Variants in TCP1 observed in about 807,000 individuals in gnomAD.
TCP1 encodes T-complex protein 1 subunit alpha.
Under a neutral mutation model 54.7 loss-of-function variants are expected in TCP1, and 6 were observed. The observed-to-expected ratio is 0.11, with a 90% CI of 0.06 to 0.22. TCP1 has a LOEUF of 0.22. Among genes scored for constraint, TCP1 ranks in the 10% least tolerant of loss-of-function variants. The pLI is 1.00. For synonymous variants in TCP1, 225 were observed against 229.7 expected, an observed-to-expected ratio of 0.98 and a Z score of 0.19; for missense variants, 511 against 678.2, an observed-to-expected ratio of 0.75 and a Z score of 2.74.
chr6:159,784,510 T>A (rs1780648510), intron 6 of TCP1, among the ~76,000 whole-genome samples, 156 bp downstream of exon 6: 1 of 152,094 alleles, frequency 6.6e-6, no homozygotes, highest in African/African-American at 2.4e-5. Context: ...TTCACCATAT[T>A]GGACAGGCTG....
At position 159,778,781 on chromosome 6, in the gene TCP1, G is replaced by A. The variant is rs772177795; in HGVS notation, c.*264C>T. 37 of 1,614,124 alleles carry A rather than the reference G, an allele frequency of 2.3e-5. No homozygotes were observed. The East Asian group carries it at 8.0e-4, about 35-fold the overall frequency. On this transcript the variant is annotated 3_prime_UTR_variant, in exon 12 of 12. Coordinates refer to ENST00000321394, the MANE Select transcript of TCP1 (RefSeq NM_030752.3). ...GCAGAAGTCGTGGTGTTGCAGCCCT[G>A]TGCATTGGGGGTGGGATGGGAATAG...
Position 159,778,973 on chromosome 6 carries a change from T to G in TCP1, c.*72A>C. On this transcript the variant is annotated 3_prime_UTR_variant, in exon 12 of 12. Transcript: ENST00000321394. ...CAAGTTTACAGCTTGTACTTTACTT[T>G]AATGTGTAATACTCAACTCAAGGTA... 5 of 1,560,702 alleles carry G rather than the reference T, an allele frequency of 3.2e-6. No homozygotes were observed. The highest frequency in any genetic ancestry group is 4.4e-6 in the Non-Finnish European group (5 of 1,144,848).
At chr6:159,779,389 C>T in intron 11 of TCP1, 128 bp from the exon 12 acceptor site, 4 of 1,009,376 alleles carry the variant, frequency 4.0e-6, no homozygotes, top group Non-Finnish European at 5.9e-6. Flanking sequence ...GGTAGTCTTT[C>T]TACCAAAAGA....
Position 159,789,477 on chromosome 6 carries a change from C to T in TCP1, c.-9G>A. 4.3e-6 allele frequency: 7 copies of T among 1,613,854 alleles called. No homozygotes were observed. Among genetic ancestry groups the T allele is most frequent in the Non-Finnish European group, 5.1e-6 (6 of 1,179,848 alleles). ...GACAAAGGCCCCTCCATCTTGACGG[C>T]AGCGATACACGTCGAATTCTGCTTA... On this transcript the variant is annotated 5_prime_UTR_variant, in exon 1 of 12. Coordinates refer to ENST00000321394, the MANE Select transcript of TCP1 (RefSeq NM_030752.3).
chr6:159,778,926 C>A lies in TCP1; in HGVS notation c.*119G>T. On this transcript the variant is annotated 3_prime_UTR_variant, in exon 12 of 12. Coordinates refer to ENST00000321394, the MANE Select transcript of TCP1 (RefSeq NM_030752.3). ...AGAGGACCAAAGTACAGATGGAAAC[C>A]ATTTCCTACATCACAAAAACCCAAG... 5.1e-6 allele frequency: 8 copies of A among 1,566,644 alleles called. No homozygotes were observed. The highest frequency in any genetic ancestry group is 6.9e-6 in the Non-Finnish European group (8 of 1,151,412).
intron 3 of TCP1, 60 bp downstream of exon 3, chr6:159,787,683 C>G (rs1583144652): frequency 6.3e-7 from 1 of 1,582,130 alleles, no homozygotes. Context: ...CTTATGGCTT[C>G]AACTTTCTGA....
In TCP1 at chr6:159,778,730, C is replaced by G; in HGVS notation, c.*315G>C. The G allele has an allele frequency of 6.2e-7, 1 of 1,614,182 alleles. No individual in the cohort carries two copies. Among genetic ancestry groups the G allele is most frequent in the Non-Finnish European group, 8.5e-7 (1 of 1,180,044 alleles). On this transcript the variant is annotated 3_prime_UTR_variant, in exon 12 of 12. Coordinates refer to ENST00000321394, the MANE Select transcript of TCP1 (RefSeq NM_030752.3). ...CATCTGGCTGTCGAATTCTTGTGAC[C>G]CTGTTACACACACTGGAGAGAATGG...
intron 1 of TCP1, chr6:159,788,390 C>A (rs538850262): frequency 1.2e-5 from 5 of 423,864 alleles, no homozygotes; most frequent in African/African-American, 1.0e-4. Context: ...GAGTTTGAGA[C>A]CCCTTTGGGC....
chr6:159,778,973 T>A lies in TCP1; in HGVS notation c.*72A>T. 6.4e-7 allele frequency: 1 copy of A among 1,560,700 alleles called. No homozygotes were observed. The highest frequency in any genetic ancestry group is 8.7e-7 in the Non-Finnish European group (1 of 1,144,846). The stretch of plus-strand genomic sequence containing the variant: ...CAAGTTTACAGCTTGTACTTTACTT[T>A]AATGTGTAATACTCAACTCAAGGTA... On this transcript the variant is annotated 3_prime_UTR_variant, in exon 12 of 12. Coordinates refer to ENST00000321394, the MANE Select transcript of TCP1 (RefSeq NM_030752.3).
chr6:159,789,324 A>C (rs1399074219), intron 1 of TCP1, 81 bp downstream of exon 1: 2 of 1,548,578 alleles, frequency 1.3e-6, no homozygotes, highest in East Asian at 4.7e-5. Context: ...AAGGAGAGAA[A>C]CGAGGGCAGC....
chr6:159,788,166 A>T, intron 1 of TCP1, 23 bp from the exon 2 acceptor site: 1 of 1,610,322 alleles, frequency 6.2e-7, no homozygotes, highest in Non-Finnish European at 8.5e-7. Context: ...AATTAAAAAT[A>T]AAAAAGAAAT....
At chr6:159,780,818 A>T in intron 8 of TCP1, 117 bp downstream of exon 8, 1 of 1,338,638 alleles carries the variant, frequency 7.5e-7, no homozygotes, top group Non-Finnish European at 1.0e-6. Flanking sequence ...AGCACAAAGC[A>T]TTAAGAGAAT....
intron 1 of TCP1, chr6:159,789,152 G>A (rs114287805): frequency 4.2e-6 from 2 of 481,034 alleles, no homozygotes; most frequent in Non-Finnish European, 3.7e-6. Flanking sequence ...TTCCAACGCC[G>A]CCCCGGACAC....
intron 5 of TCP1, 166 bp from the exon 6 acceptor site, chr6:159,785,013 A>G (rs1333636127): frequency 2.4e-5 from 17 of 708,948 alleles, no homozygotes; most frequent in East Asian, 8.1e-5. Flanking sequence ...TCTGCAATTC[A>G]TATCACTTTT....
At chr6:159,780,286 A>T in intron 9 of TCP1, 157 bp downstream of exon 9, 5 of 1,229,692 alleles carry the variant, frequency 4.1e-6, no homozygotes, top group Non-Finnish European at 6.0e-6. Flanking sequence ...GAAAATGGTT[A>T]CTTCATCTCA....
Position 159,787,928 on chromosome 6 carries a change from T to A in TCP1, c.151-57A>T, listed in dbSNP as rs775968815. 16 of 1,609,096 alleles carry A rather than the reference T, an allele frequency of 9.9e-6. No individual in the cohort carries two copies. The South Asian group carries it at 1.7e-4, about 17-fold the overall frequency. On this transcript the variant is annotated intron_variant, in intron 2 of 11. Coordinates refer to ENST00000321394, the MANE Select transcript of TCP1 (RefSeq NM_030752.3). The stretch of plus-strand genomic sequence containing the variant: ...CTTATAGAAATCAACACAGCCCCAT[T>A]ATAATACACGTTCACCTTTAATATC...
At position 159,787,838 on chromosome 6, in the gene TCP1, G is replaced by A; in HGVS notation, c.184C>T (p.Leu62=). ...VTITNDGATI[L]KLLEVEHPAA... ...GGATGTTCTACCTCCAGTAACTTCA[G>A]GATGGTTGCACCATCGTTAGTAATG... The change falls in exon 3 of 12, where the codon CTG becomes TTG. Residue 62 remains leucine, a synonymous_variant. Transcript: ENST00000321394. 2 of 1,614,110 alleles carry A rather than the reference G, an allele frequency of 1.2e-6. No homozygotes were observed. The highest frequency in any genetic ancestry group is 1.7e-6 in the Non-Finnish European group (2 of 1,179,996).
At position 159,789,438 on chromosome 6, in the gene TCP1, G is replaced by A. The variant is rs745468128; in HGVS notation, c.31C>T (p.Arg11Cys). The A allele has an allele frequency of 1.2e-6, 2 of 1,613,684 alleles. No homozygotes were observed. Among genetic ancestry groups the A allele is most frequent in the African/African-American group, 1.3e-5 (1 of 74,886 alleles). The part of the protein sequence containing the change: MEGPLSVFGD[R>C]STGETIRSQN... ...GAGCGGATCGTTTCCCCAGTGCTGCGGTCACCGAACACGGACAAAGGCCCC... is the reference window on the plus strand; with the variant it reads ...GAGCGGATCGTTTCCCCAGTGCTGCAGTCACCGAACACGGACAAAGGCCCC... Residue 11 changes from arginine (R) to cysteine (C), a missense_variant, in exon 1 of 12, where the codon CGC (arginine) becomes TGC (cysteine). Around this residue, in one of 5 missense-constraint regions of TCP1, gnomAD observed 35 missense variants for 32.7 expected, o/e 1.07. Coordinates refer to ENST00000321394, the MANE Select transcript of TCP1 (RefSeq NM_030752.3).
At position 159,784,852 on chromosome 6, in the gene TCP1, G is replaced by C; in HGVS notation, c.489-5C>G. The C allele has an allele frequency of 6.2e-7, 1 of 1,614,038 alleles. No homozygotes were observed. The highest frequency in any genetic ancestry group is 1.1e-5 in the South Asian group (1 of 91,082). On this transcript the variant is annotated splice_region_variant and splice_polypyrimidine_tract_variant and intron_variant, in intron 5 of 11. Transcript: ENST00000321394. ...TTAGCAAAGAAATCACCATTTCTACGCCAAAAGTTAAGGACAGTAACAGGT... is the reference window on the plus strand; with the variant it reads ...TTAGCAAAGAAATCACCATTTCTACCCCAAAAGTTAAGGACAGTAACAGGT...
Sources: allele counts gnomAD v4.1 joint callset (sites outside exome capture counted in the v4.1 genomes callset), GRCh38; gene constraint gnomAD v4.1.1; regional missense constraint gnomAD v4.1.1; transcripts MANE v1.5; gene names NCBI Gene and HGNC (gene_info 2026-07-23, HGNC 2026-07-21).